CFAP300: variants seen among roughly 807,000 people sequenced by gnomAD.
CFAP300 encodes cilia and flagella associated protein 300.
In CFAP300, 32 loss-of-function variants were observed where a neutral mutation model predicts 33.0. The observed-to-expected ratio is 0.97, with a 90% CI of 0.73 to 1.30. The LOEUF (loss-of-function observed/expected upper bound fraction) is 1.30, where lower values mean the gene tolerates loss of function less well. Ranked by LOEUF, CFAP300 falls within the 50% of genes most tolerant of loss-of-function variation. The probability of loss-of-function intolerance (pLI) is 0.00; values close to 1 mark genes in which losing one functional copy is unlikely to be tolerated. For synonymous variants in CFAP300, 102 were observed against 106.8 expected (o/e 0.95, Z 0.28); for missense variants, 356 against 318.1 (o/e 1.12, Z -0.90).
intron 2 of CFAP300, among the ~76,000 whole-genome samples, chr11:102,057,324 A>G (rs1942074765): frequency 6.8e-6 from 1 of 146,472 alleles, no homozygotes; most frequent in African/African-American, 2.5e-5. Flanking sequence ...GGGCAACAAG[A>G]GCGAAACTCC....
At chr11:102,049,922 A>C (rs1941944395) in intron 2 of CFAP300, among the ~76,000 whole-genome samples, 1 of 151,410 alleles carries the variant, frequency 6.6e-6, no homozygotes, top group Non-Finnish European at 1.5e-5. Context: ...AGGCTGAGGC[A>C]GGAGGATCAC....
chr11:102,058,810 A>G, intron 2 of CFAP300, 70 bp from the exon 3 acceptor site: 1 of 885,210 alleles, frequency 1.1e-6, no homozygotes. Context: ...GATTATAGTT[A>G]TTTTATGTTA....
intron 4 of CFAP300, among the ~76,000 whole-genome samples, chr11:102,074,774 G>A (rs777925369): frequency 4.0e-5 from 6 of 148,302 alleles, no homozygotes; most frequent in East Asian, 2.0e-4. Context: ...GTCACAGTTC[G>A]CTGCAGCTTC....
chr11:102,076,106 C>T, intron 5 of CFAP300, 61 bp downstream of exon 5: 4 of 1,521,368 alleles, frequency 2.6e-6, no homozygotes, highest in Non-Finnish European at 3.5e-6. Flanking sequence ...ATTTGCTTAA[C>T]CTTGATGGAA....
intron 4 of CFAP300, among the ~76,000 whole-genome samples, chr11:102,074,893 G>C (rs370241434): frequency 1.3e-5 from 2 of 151,944 alleles, no homozygotes; most frequent in East Asian, 3.9e-4. Flanking sequence ...TTTTAGTAGA[G>C]ATGAGGTCTC....
At chr11:102,056,436 G>A (rs1488092065) in intron 2 of CFAP300, among the ~76,000 whole-genome samples, 1 of 152,186 alleles carries the variant, frequency 6.6e-6, no homozygotes, top group East Asian at 1.9e-4. Flanking sequence ...GCTTGTGAAA[G>A]TGCATGTCTT....
chr11:102,075,922 A>C lies in CFAP300; in HGVS notation c.485A>C (p.Asp162Ala), dbSNP rs756002464. The C allele has an allele frequency of 6.2e-6, 10 of 1,613,694 alleles. No homozygotes were observed. The highest frequency in any genetic ancestry group is 4.0e-5 in the African/African-American group (3 of 74,902). Residue 162 changes from aspartate to alanine, a missense_variant, in exon 5 of 7, where the codon GAT becomes GCT. Asp to Ala is a moderately radical substitution (Grantham distance 126). Coordinates refer to ENST00000434758, the MANE Select transcript of CFAP300 (RefSeq NM_032930.3). ...AAATATGAAATATTCAGCCAACCAG[A>C]TAGAGAAGAGTTCCTGTTTTGTCTT... is the stretch of plus-strand genomic sequence containing the variant. The part of the protein sequence containing the change: ...SEKYEIFSQP[D>A]REEFLFCLFK...
At chr11:102,061,078 C>T (rs1052001971) in intron 3 of CFAP300, among the ~76,000 whole-genome samples, 2 of 152,142 alleles carry the variant, frequency 1.3e-5, no homozygotes, top group South Asian at 2.1e-4. Context: ...TTAGTACATA[C>T]ACAAAATAGC....
chr11:102,081,340 G>C (rs1942470143), intron 6 of CFAP300, 59 bp downstream of exon 6: 1 of 1,349,088 alleles, frequency 7.4e-7, no homozygotes. Flanking sequence ...TAATAGAGTT[G>C]TTACAACTGG....
intron 4 of CFAP300, among the ~76,000 whole-genome samples, chr11:102,073,954 G>A (rs1942357358): frequency 6.6e-6 from 1 of 152,110 alleles, no homozygotes; most frequent in South Asian, 2.1e-4. Flanking sequence ...AGTGACAGCG[G>A]CCCCAGGTAA....
chr11:102,078,630 A>G (rs895655603), intron 5 of CFAP300, among the ~76,000 whole-genome samples: 3 of 152,228 alleles, frequency 2.0e-5, no homozygotes, highest in Non-Finnish European at 4.4e-5. Context: ...GAATAATATG[A>G]TTTCTTTCTA....
In CFAP300 at chr11:102,058,180, C is replaced by T. The variant is rs189007414; in HGVS notation, c.193-700C>T. 4.4e-3 allele frequency among the ~76,000 whole-genome samples: 672 copies of T among 152,166 alleles called. 5 individuals carry two copies. Among genetic ancestry groups the T allele is most frequent in the African/African-American group, 0.015 (628 of 41,544 alleles). ...CCTTCAGCCTGATGCCCTCCACCCC[C>T]GGAACATTTTGTGGACTCCCTGAGA... On this transcript the variant is annotated intron_variant, in intron 2 of 6. Coordinates refer to ENST00000434758, the MANE Select transcript of CFAP300 (RefSeq NM_032930.3).
chr11:102,062,939 A>G (rs1565392291), intron 3 of CFAP300, among the ~76,000 whole-genome samples: 1 of 152,224 alleles, frequency 6.6e-6, no homozygotes, highest in Non-Finnish European at 1.5e-5. Flanking sequence ...TAGATCCTGC[A>G]AGACTGGACC....
intron 4 of CFAP300, among the ~76,000 whole-genome samples, chr11:102,072,181 CTT>C (rs993352734): frequency 6.8e-6 from 1 of 146,786 alleles, no homozygotes. Context: ...TTCTTTTTCT[CTT>C]TTTTTTTTGT....
intron 2 of CFAP300, among the ~76,000 whole-genome samples, chr11:102,049,807 C>T (rs890880881): frequency 4.0e-5 from 6 of 151,564 alleles, no homozygotes; most frequent in African/African-American, 1.5e-4. Flanking sequence ...AGACCTGATC[C>T]CAGCTTACAA....
At chr11:102,064,246 C>G (rs10750627) in intron 3 of CFAP300, among the ~76,000 whole-genome samples, 85,765 of 152,008 alleles carry the variant, frequency 0.56, 25,500 homozygotes, top group East Asian at 0.75. Context: ...CCAAATCAGA[C>G]CTAGGGTAGG....
At chr11:102,069,856 A>G (rs1565395023) in intron 4 of CFAP300, among the ~76,000 whole-genome samples, 1 of 152,086 alleles carries the variant, frequency 6.6e-6, no homozygotes, top group Admixed American at 6.5e-5. Flanking sequence ...AGTCTCAGCT[A>G]CTTGGAAGGC....
At chr11:102,081,623 C>T (rs1482429822) in intron 6 of CFAP300, among the ~76,000 whole-genome samples, 1 of 152,176 alleles carries the variant, frequency 6.6e-6, no homozygotes, top group Non-Finnish European at 1.5e-5. Flanking sequence ...TCGCCGGGCC[C>T]GGTGGCTCAC....
At chr11:102,076,932 T>A (rs1942403432) in intron 5 of CFAP300, among the ~76,000 whole-genome samples, 1 of 152,224 alleles carries the variant, frequency 6.6e-6, no homozygotes, top group African/African-American at 2.4e-5. Flanking sequence ...TACAGATTAT[T>A]GGAAGAAGAT....
Sources: allele counts gnomAD v4.1 joint callset (sites outside exome capture counted in the v4.1 genomes callset), GRCh38; gene constraint gnomAD v4.1.1; transcripts MANE v1.5; gene names NCBI Gene and HGNC (gene_info 2026-07-23, HGNC 2026-07-21).